MAPKAPK5: variants seen among roughly 807,000 people sequenced by gnomAD.
MAPKAPK5 encodes the protein MAP kinase-activated protein kinase 5.
Under a neutral mutation model 65.1 loss-of-function variants are expected in MAPKAPK5, and 30 were observed. The observed-to-expected ratio is 0.46, with a 90% CI of 0.34 to 0.63. MAPKAPK5 has a LOEUF of 0.63. Among genes scored for constraint, MAPKAPK5 ranks in the 20% least tolerant of loss-of-function variants. The probability of loss-of-function intolerance (pLI) is 0.01; values close to 1 mark genes in which losing one functional copy is unlikely to be tolerated. For synonymous variants in MAPKAPK5, 179 were observed against 204.6 expected (o/e 0.87, Z 1.07); for missense variants, 433 against 581.4 (o/e 0.74, Z 2.63).
chr12:111,856,152 G>A (rs1053285322), intron 1 of MAPKAPK5, among the ~76,000 whole-genome samples: 3 of 152,066 alleles, frequency 2.0e-5, no homozygotes, highest in African/African-American at 7.2e-5. Flanking sequence ...ACTGTGTCCA[G>A]TCGTGTTGTT....
intron 6 of MAPKAPK5, 58 bp downstream of exon 6, chr12:111,870,418 G>A: frequency 7.1e-7 from 1 of 1,410,286 alleles, no homozygotes; most frequent in Non-Finnish European, 1.0e-6. Flanking sequence ...GTTCAGGAGT[G>A]GGTGTGTTTG....
At chr12:111,887,057 T>G (rs952798967) in intron 10 of MAPKAPK5, among the ~76,000 whole-genome samples, 3 of 152,120 alleles carry the variant, frequency 2.0e-5, no homozygotes, top group Admixed American at 2.0e-4. Flanking sequence ...GTTTTAGATA[T>G]TGTTTGAGAT....
chr12:111,850,904 T>TTTC (rs34607982), intron 1 of MAPKAPK5, among the ~76,000 whole-genome samples: 28,947 of 149,920 alleles, frequency 0.19, 2,995 homozygotes, highest in Middle Eastern at 0.27. Context: ...ATTTTCTTTT[T>TTTC]TTTTTTTTTT....
At chr12:111,873,750 A>G (rs1051733591) in intron 7 of MAPKAPK5, among the ~76,000 whole-genome samples, 1 of 152,324 alleles carries the variant, frequency 6.6e-6, no homozygotes, top group African/African-American at 2.4e-5. Context: ...GAGCATCTGC[A>G]TTATTGTAGC....
At chr12:111,874,800 A>AATT (rs2069906806) in intron 7 of MAPKAPK5, among the ~76,000 whole-genome samples, 1 of 69,850 alleles carries the variant, frequency 1.4e-5, no homozygotes, top group African/African-American at 5.8e-5. Context: ...TTTGAGATGG[A>AATT]GGCTTGCTCT....
chr12:111,863,065 T>C (rs1038853694), intron 1 of MAPKAPK5, among the ~76,000 whole-genome samples: 5 of 152,180 alleles, frequency 3.3e-5, no homozygotes, highest in Non-Finnish European at 4.4e-5. Context: ...GCAGTACTTG[T>C]TCCTAATCTT....
chr12:111,881,402 C>CTTTT lies in MAPKAPK5; in HGVS notation c.660+875_660+876insTTTT, dbSNP rs1274226182. On this transcript the variant is annotated intron_variant, in intron 8 of 13. Transcript: ENST00000550735. ...AGCCCACATATTGATCCTGTCTGTT[C>CTTTT]CTTTTTTTTTTTTTTTTTTTGAGAC... Among the ~76,000 whole-genome samples the CTTTT allele has an allele frequency of 8.6e-4, 100 of 116,674 alleles. 3 individuals carry two copies. The highest frequency in any genetic ancestry group is 1.2e-3 in the African/African-American group (35 of 30,114). The allele number at this position is 116,674 out of a possible 152,430, so 76.5% of individuals were successfully genotyped here. A position where few individuals can be genotyped will look rare whatever the true frequency, so the allele number is the denominator to read the frequency against.
intron 1 of MAPKAPK5, among the ~76,000 whole-genome samples, chr12:111,848,917 A>AT (rs1017266968): frequency 4.5e-4 from 68 of 150,642 alleles, no homozygotes; most frequent in African/African-American, 1.6e-3. Flanking sequence ...TTGTATTTTT[A>AT]TTTTTTTATT....
Position 111,871,279 on chromosome 12 carries a change from G to A in MAPKAPK5, c.579+99G>A, listed in dbSNP as rs1264327272. The A allele has an allele frequency of 2.4e-5, 21 of 888,286 alleles. No homozygotes were observed. In the Admixed American group the frequency reaches 3.3e-4, roughly 14 times the overall value. The allele number at this position is 888,286 out of a possible 1,614,324, so 55.0% of individuals were successfully genotyped here. ...GCACAAGTAGGCATATATTACAGAT[G>A]GGAGGGGGAGAACTTAGCTTTAGAA... On this transcript the variant is annotated intron_variant, in intron 7 of 13. Transcript: ENST00000550735.
rs2070299940 is a variant in MAPKAPK5, at chr12:111,883,311, C to T, written c.661-270C>T. 6.6e-6 allele frequency among the ~76,000 whole-genome samples: 1 copy of T among 151,950 alleles called. No homozygotes were observed. Among genetic ancestry groups the T allele is most frequent in the Admixed American group, 6.6e-5 (1 of 15,252 alleles). The stretch of plus-strand genomic sequence containing the variant: ...GGAGGAATTGCTTGAACCTGGGAGG[C>T]GGAGGTTGCAGTGAGCTGAGATTAC... On this transcript the variant is annotated intron_variant, in intron 8 of 13. Coordinates refer to ENST00000550735, the MANE Select transcript of MAPKAPK5 (RefSeq NM_003668.4). This position sits in a 1 kb window ranked among gnomAD's most constrained non-coding sequence, Gnocchi z 4.8.
intron 7 of MAPKAPK5, among the ~76,000 whole-genome samples, chr12:111,877,330 T>C (rs931524636): frequency 6.6e-6 from 1 of 152,120 alleles, no homozygotes; most frequent in African/African-American, 2.4e-5. Flanking sequence ...GTTTTTTTTT[T>C]CTTTAATATT....
At chr12:111,876,608 A>G (rs2069982679) in intron 7 of MAPKAPK5, among the ~76,000 whole-genome samples, 1 of 152,076 alleles carries the variant, frequency 6.6e-6, no homozygotes, top group Non-Finnish European at 1.5e-5. Flanking sequence ...AAATTAGGAA[A>G]TTTTTCAGAC....
At position 111,899,275 on chromosome 12, in the gene MAPKAPK5, G is replaced by C. The variant is rs1201668575; in HGVS notation, c.*6214G>C. On this transcript the variant is annotated 3_prime_UTR_variant, in exon 14 of 14. Transcript: ENST00000550735. ...ATTTATTTGGGCCATGTCACTGGTG[G>C]CATTATTAAAAGACTCTGCCAACAT... 3 of 152,834 alleles carry C rather than the reference G, an allele frequency of 2.0e-5. No homozygotes were observed. The highest frequency in any genetic ancestry group is 7.2e-5 in the African/African-American group (3 of 41,448). The allele number at this position is 152,834 out of a possible 1,614,324, so 9.5% of individuals were successfully genotyped here.
At chr12:111,881,403 C>CTTTTTTTTTTT (rs61349417) in intron 8 of MAPKAPK5, among the ~76,000 whole-genome samples, 2 of 110,724 alleles carry the variant, frequency 1.8e-5, no homozygotes, top group African/African-American at 3.4e-5. Context: ...CTGTCTGTTC[C>CTTTTTTTTTTT]TTTTTTTTTT....
chr12:111,847,567 T>G (rs1180169991), intron 1 of MAPKAPK5, among the ~76,000 whole-genome samples: 1 of 152,024 alleles, frequency 6.6e-6, no homozygotes, highest in African/African-American at 2.4e-5. Flanking sequence ...TTTGATGGAG[T>G]TTGTGAAAAT....
Position 111,851,960 on chromosome 12 carries a change from G to A in MAPKAPK5, c.36+9191G>A, listed in dbSNP as rs577962232. 2.6e-5 allele frequency among the ~76,000 whole-genome samples: 4 copies of A among 152,286 alleles called. No individual in the cohort carries two copies. The South Asian group carries it at 8.3e-4, about 32-fold the overall frequency. On this transcript the variant is annotated intron_variant, in intron 1 of 13. Transcript: ENST00000550735. ...AGAGCTAATAGACACCACACCTGAG[G>A]AATTAATAGAAGATGACTTGATGGA...
intron 13 of MAPKAPK5, among the ~76,000 whole-genome samples, 161 bp downstream of exon 13, chr12:111,890,305 T>C (rs976206125): frequency 2.0e-5 from 3 of 152,184 alleles, no homozygotes; most frequent in East Asian, 1.9e-4. Flanking sequence ...AGCTCTACAT[T>C]AACTGCCCAG....
chr12:111,871,398 T>C (rs752965466), intron 7 of MAPKAPK5, among the ~76,000 whole-genome samples: 5 of 152,132 alleles, frequency 3.3e-5, no homozygotes, highest in Non-Finnish European at 5.9e-5. Flanking sequence ...CCCAGCACTT[T>C]GGGAGGCTGA....
At chr12:111,874,964 A>C (rs2069916312) in intron 7 of MAPKAPK5, among the ~76,000 whole-genome samples, 1 of 151,646 alleles carries the variant, frequency 6.6e-6, no homozygotes, top group Non-Finnish European at 1.5e-5. Flanking sequence ...TTTTTAGTAG[A>C]GACGGGGTTT....
Sources: allele counts gnomAD v4.1 joint callset (sites outside exome capture counted in the v4.1 genomes callset), GRCh38; gene constraint gnomAD v4.1.1; non-coding constraint Gnocchi (gnomAD v3.1); transcripts MANE v1.5; gene names NCBI Gene and HGNC (gene_info 2026-07-23, HGNC 2026-07-21).